Variants in AGBL4 observed in about 807,000 individuals in gnomAD.
AGBL4 encodes AGBL carboxypeptidase 4.
In AGBL4, 58 loss-of-function variants were observed where a neutral mutation model predicts 66.4. The observed-to-expected ratio is 0.87, with a 90% CI of 0.71 to 1.09. The LOEUF (loss-of-function observed/expected upper bound fraction) is 1.09, where lower values mean the gene tolerates loss of function less well. Ranked by LOEUF, AGBL4 falls within the 50% of genes least tolerant of loss-of-function variation. The probability of loss-of-function intolerance (pLI) is 0.00; values close to 1 mark genes in which losing one functional copy is unlikely to be tolerated. For missense variants in AGBL4, 579 were observed against 631.0 expected (o/e 0.92, Z 0.88); for synonymous variants, 234 against 222.9 (o/e 1.05, Z -0.44).
chr1:49,969,322 A>C (rs1026829360), intron 1 of AGBL4, among the ~76,000 whole-genome samples: 1 of 152,044 alleles, frequency 6.6e-6, no homozygotes, highest in Non-Finnish European at 1.5e-5. Flanking sequence ...CACCTCCAAA[A>C]GTTTCCTCCT....
chr1:48,880,008 T>C (rs1649622626), intron 5 of AGBL4, among the ~76,000 whole-genome samples: 1 of 152,204 alleles, frequency 6.6e-6, no homozygotes, highest in Non-Finnish European at 1.5e-5. Flanking sequence ...CAGGTGGTAT[T>C]TGGTTACATG....
At chr1:48,827,381 T>G (rs903917708) in intron 6 of AGBL4, among the ~76,000 whole-genome samples, 1 of 152,220 alleles carries the variant, frequency 6.6e-6, no homozygotes, top group Admixed American at 6.5e-5. Flanking sequence ...TTAACTCTTA[T>G]AATCCTGGCC....
At position 49,825,039 on chromosome 1, in the gene AGBL4, AC is replaced by A. The variant is rs142613893; in HGVS notation, c.157+26356del. 3.2e-3 allele frequency among the ~76,000 whole-genome samples: 484 copies of A among 152,278 alleles called. 1 individual carries two copies. Among genetic ancestry groups the A allele is most frequent in the South Asian group, 0.011 (52 of 4,830 alleles). On this transcript the variant is annotated intron_variant, in intron 2 of 13. Coordinates refer to ENST00000371839, the MANE Select transcript of AGBL4 (RefSeq NM_032785.4). ...CTCTTATTTGCTCTGCCAGTAAGTA[AC>A]CACCCTGATAAGTCACCCAACCTGT...
intron 1 of AGBL4, among the ~76,000 whole-genome samples, chr1:49,881,183 C>T (rs1158807685): frequency 2.0e-5 from 3 of 152,144 alleles, no homozygotes; most frequent in African/African-American, 7.2e-5. Flanking sequence ...TTGATGATTT[C>T]CAATTTCATC....
At chr1:49,391,381 T>G (rs1325452581) in intron 3 of AGBL4, among the ~76,000 whole-genome samples, 3 of 152,080 alleles carry the variant, frequency 2.0e-5, no homozygotes, top group Non-Finnish European at 4.4e-5. Flanking sequence ...GGATCAGACT[T>G]GAGCTAGAGA....
At chr1:49,603,361 G>A (rs1644998156) in intron 3 of AGBL4, among the ~76,000 whole-genome samples, 1 of 151,884 alleles carries the variant, frequency 6.6e-6, no homozygotes, top group Non-Finnish European at 1.5e-5. Flanking sequence ...AGTCTTTCTA[G>A]AAAGGGAACA....
chr1:49,934,962 G>A (rs915689080), intron 1 of AGBL4, among the ~76,000 whole-genome samples: 1 of 152,226 alleles, frequency 6.6e-6, no homozygotes, highest in Non-Finnish European at 1.5e-5. Context: ...ATCTCACTAG[G>A]GAGTGCCAGA....
At chr1:49,947,341 C>A (rs1655305833) in intron 1 of AGBL4, among the ~76,000 whole-genome samples, 1 of 151,922 alleles carries the variant, frequency 6.6e-6, no homozygotes. Context: ...AAAAGTTAAT[C>A]CACCATGATC....
At chr1:48,640,399 T>G (rs1480451349) in intron 8 of AGBL4, among the ~76,000 whole-genome samples, 1 of 152,170 alleles carries the variant, frequency 6.6e-6, no homozygotes, top group African/African-American at 2.4e-5. Flanking sequence ...TTCAATATAT[T>G]TATTGGATGA....
chr1:49,580,371 G>A (rs1416284625), intron 3 of AGBL4, among the ~76,000 whole-genome samples: 1 of 152,122 alleles, frequency 6.6e-6, no homozygotes, highest in Admixed American at 6.5e-5. Context: ...TAGTTTACTA[G>A]TAGTTGTAAA....
chr1:48,650,120 G>A (rs1014786157), intron 8 of AGBL4, among the ~76,000 whole-genome samples: 1 of 152,208 alleles, frequency 6.6e-6, no homozygotes, highest in Non-Finnish European at 1.5e-5. Context: ...CTCAGGGCAG[G>A]CCTGTCTTTG....
chr1:48,543,261 G>T (rs181082422), intron 11 of AGBL4, among the ~76,000 whole-genome samples: 1 of 152,304 alleles, frequency 6.6e-6, no homozygotes, highest in Admixed American at 6.5e-5. Context: ...GGAGGAACCT[G>T]AGGTTGGTCC....
intron 6 of AGBL4, among the ~76,000 whole-genome samples, chr1:48,800,547 G>T (rs983245271): frequency 6.6e-6 from 1 of 152,042 alleles, no homozygotes; most frequent in East Asian, 1.9e-4. Context: ...CATTTGGTTT[G>T]TTCTTGTTTC....
intron 4 of AGBL4, among the ~76,000 whole-genome samples, chr1:49,173,842 C>T (rs1161316775): frequency 2.0e-5 from 3 of 151,872 alleles, no homozygotes; most frequent in African/African-American, 4.8e-5. Flanking sequence ...AAGACCAAGG[C>T]GTAGTTAAGA....
intron 3 of AGBL4, among the ~76,000 whole-genome samples, chr1:49,335,438 CAT>C (rs1383737927): frequency 2.6e-5 from 4 of 152,128 alleles, no homozygotes; most frequent in African/African-American, 9.7e-5. Context: ...TTTCTGTAAA[CAT>C]AAGTCAAATT....
At chr1:49,045,523 A>T (rs1349232523) in intron 5 of AGBL4, 61 bp downstream of exon 5, 1 of 1,463,500 alleles carries the variant, frequency 6.8e-7, no homozygotes, top group Non-Finnish European at 9.4e-7. Context: ...ACCCGTGTTA[A>T]GTCCCTATCC....
chr1:48,570,386 C>T (rs1644542352), intron 11 of AGBL4, among the ~76,000 whole-genome samples: 1 of 152,184 alleles, frequency 6.6e-6, no homozygotes, highest in African/African-American at 2.4e-5. Context: ...GGCTGGAGGG[C>T]TGTGAGAGGT....
chr1:48,625,669 G>A (rs1645492308), intron 9 of AGBL4, among the ~76,000 whole-genome samples: 2 of 152,148 alleles, frequency 1.3e-5, no homozygotes, highest in South Asian at 4.1e-4. Context: ...AGTGTAATGG[G>A]CTGGACTCAA....
At chr1:48,578,661 A>G (rs772492509) in intron 11 of AGBL4, among the ~76,000 whole-genome samples, 7 of 152,188 alleles carry the variant, frequency 4.6e-5, no homozygotes, top group Non-Finnish European at 1.0e-4. Flanking sequence ...AGATGCCGAT[A>G]CTGTTTCTGA....
Sources: gnomAD v4.1 joint callset for allele counts (sites outside exome capture counted in the v4.1 genomes callset) on GRCh38, gnomAD v4.1.1 for gene constraint, MANE v1.5 for transcripts, NCBI Gene and HGNC (gene_info 2026-07-23, HGNC 2026-07-21) for gene names.